DDX39A: variants seen among roughly 807,000 people sequenced by gnomAD.
DDX39A encodes DExD-box helicase 39A.
DDX39A carries 13 observed loss-of-function variants against 46.3 expected under a neutral mutation model. That is an observed-to-expected ratio of 0.28 (90% CI 0.18 to 0.45). DDX39A has a LOEUF of 0.45. Ranked by LOEUF, DDX39A falls within the 20% of genes least tolerant of loss-of-function variation. The pLI, the probability that DDX39A is intolerant of heterozygous loss-of-function variation, is 1.00. For synonymous variants in DDX39A, 234 were observed against 224.6 expected, an observed-to-expected ratio of 1.04 and a Z score of -0.38; for missense variants, 352 against 581.8, an observed-to-expected ratio of 0.61 and a Z score of 4.06.
At position 14,413,227 on chromosome 19, in the gene DDX39A, G is replaced by A; in HGVS notation, c.-4-3C>T. ...CCACATCCTGTTCTGCCATGATGCTGAGAAGAGAGAGAGGCAGGGTCCCGC... is the reference window on the plus strand; with the variant it reads ...CCACATCCTGTTCTGCCATGATGCTAAGAAGAGAGAGAGGCAGGGTCCCGC... On this transcript the variant is annotated splice_region_variant and splice_polypyrimidine_tract_variant and intron_variant, in intron 1 of 10. Coordinates refer to ENST00000242776, the MANE Select transcript of DDX39A (RefSeq NM_005804.4). 6.2e-7 allele frequency: 1 copy of A among 1,612,440 alleles called. No individual in the cohort carries two copies. The highest frequency in any genetic ancestry group is 8.5e-7 in the Non-Finnish European group (1 of 1,179,190).
At position 14,411,603 on chromosome 19, in the gene DDX39A, G is replaced by A; in HGVS notation, c.337-5C>T. On this transcript the variant is annotated splice_polypyrimidine_tract_variant and splice_region_variant and intron_variant, in intron 3 of 10. Transcript: ENST00000242776. This position sits in a 1 kb window ranked among gnomAD's most constrained non-coding sequence, Gnocchi z 4.1. ...GCACATGACCAGGACCGTCACCTGG[G>A]AAGTGGCATAAGAAGAGGGCCTTAC... 6.3e-7 allele frequency: 1 copy of A among 1,575,614 alleles called. No homozygotes were observed. The highest frequency in any genetic ancestry group is 8.6e-7 in the Non-Finnish European group (1 of 1,168,942).
At position 14,411,934 on chromosome 19, in the gene DDX39A, G is replaced by C. The variant is rs947469351; in HGVS notation, c.337-336C>G. Among the ~76,000 whole-genome samples the C allele has an allele frequency of 2.0e-5, 3 of 152,124 alleles. No homozygotes were observed. Among genetic ancestry groups the C allele is most frequent in the Non-Finnish European group, 2.9e-5 (2 of 68,026 alleles). On this transcript the variant is annotated intron_variant, in intron 3 of 10. Transcript: ENST00000242776. This position sits in a 1 kb window ranked among gnomAD's most constrained non-coding sequence, Gnocchi z 4.1. ...AAGGATTTCCTGAATCTCGGCACTC[G>C]GGCGGCCCCGGTCTTCCCACCCGTG... is the stretch of plus-strand genomic sequence containing the variant.
Position 14,409,102 on chromosome 19 carries a change from T to G in DDX39A, c.1202A>C (p.Asp401Ala). 6.2e-7 allele frequency: 1 copy of G among 1,614,198 alleles called. No homozygotes were observed. The highest frequency in any genetic ancestry group is 8.5e-7 in the Non-Finnish European group (1 of 1,180,032). Residue 401 changes from aspartate (D) to alanine (A), a missense_variant, in exon 10 of 11, where the codon GAC becomes GCC. Around this residue, in one of 3 missense-constraint regions of DDX39A, gnomAD observed 301 missense variants for 469.9 expected, o/e 0.64. Coordinates refer to ENST00000242776, the MANE Select transcript of DDX39A (RefSeq NM_005804.4). The surrounding 1 kb of genome is among the most constrained non-coding windows in gnomAD (Gnocchi z 8.3). ...SDENDAKILN[D>A]VQDRFEVNVA... is the part of the protein sequence containing the mutation. ...ATTAACTTCAAACCGGTCCTGGACGTCATTGAGGATTTTGGCATCATTCTC... is the reference window on the plus strand; with the variant it reads ...ATTAACTTCAAACCGGTCCTGGACGGCATTGAGGATTTTGGCATCATTCTC...
At chr19:14,413,903 A>G (rs752831533) in intron 1 of DDX39A, 3 of 152,296 alleles carry the variant, frequency 2.0e-5, no homozygotes, top group Non-Finnish European at 4.4e-5. Context: ...CTCTCATGAA[A>G]GGCCTCCTAT....
chr19:14,412,490 A>G lies in DDX39A; in HGVS notation c.336+61T>C. 2.6e-6 allele frequency: 4 copies of G among 1,567,698 alleles called. No individual in the cohort carries two copies. Among genetic ancestry groups the G allele is most frequent in the Non-Finnish European group, 3.4e-6 (4 of 1,161,420 alleles). On this transcript the variant is annotated intron_variant, in intron 3 of 10. Coordinates refer to ENST00000242776, the MANE Select transcript of DDX39A (RefSeq NM_005804.4). This position sits in a 1 kb window ranked among gnomAD's most constrained non-coding sequence, Gnocchi z 4.4. ...CTAACAGGTGTGAGCCACCCCATCCAGCCTACTCTACTTCCGCCGCCACAG... is the reference window on the plus strand; with the variant it reads ...CTAACAGGTGTGAGCCACCCCATCCGGCCTACTCTACTTCCGCCGCCACAG...
rs1454950390 is a variant in DDX39A, at chr19:14,412,250, C to T, written c.336+301G>A. 2 of 349,296 alleles carry T rather than the reference C, an allele frequency of 5.7e-6. No homozygotes were observed. Among genetic ancestry groups the T allele is most frequent in the Non-Finnish European group, 1.1e-5 (2 of 186,940 alleles). 21.6% of individuals were successfully genotyped at this position (349,296 alleles called of 1,614,324 possible). A position where few individuals can be genotyped will look rare whatever the true frequency, so the allele number is the denominator to read the frequency against. On this transcript the variant is annotated intron_variant, in intron 3 of 10. Coordinates refer to ENST00000242776, the MANE Select transcript of DDX39A (RefSeq NM_005804.4). This position sits in a 1 kb window ranked among gnomAD's most constrained non-coding sequence, Gnocchi z 4.4. ...CTAGGTAAGTGGCACGGCAAAACAG[C>T]AACGATGCCTCTGGGGCAAGGGGCA... is the stretch of plus-strand genomic sequence containing the variant.
At chr19:14,416,003 T>A (rs1976796448) in intron 1 of DDX39A, 1 of 155,640 alleles carries the variant, frequency 6.4e-6, no homozygotes, top group Admixed American at 6.6e-5. Context: ...GAGGCAGAGG[T>A]TGCAGAGAGC....
At position 14,411,437 on chromosome 19, in the gene DDX39A, C is replaced by T; in HGVS notation, c.429+69G>A. 3.4e-6 allele frequency: 5 copies of T among 1,468,116 alleles called. No homozygotes were observed. Among genetic ancestry groups the T allele is most frequent in the Non-Finnish European group, 4.8e-6 (5 of 1,049,660 alleles). 90.9% of individuals were successfully genotyped at this position (1,468,116 alleles called of 1,614,324 possible). A position where few individuals can be genotyped will look rare whatever the true frequency, so the allele number is the denominator to read the frequency against. ...CCAAGCTTGGTAAATGCTGGCTGGG[C>T]CAGAGCCGAGGCTAACAAAGCTGCA... is the stretch of plus-strand genomic sequence containing the variant. On this transcript the variant is annotated intron_variant, in intron 4 of 10. Coordinates refer to ENST00000242776, the MANE Select transcript of DDX39A (RefSeq NM_005804.4). The surrounding 1 kb of genome is among the most constrained non-coding windows in gnomAD (Gnocchi z 4.1).
At chr19:14,414,641 G>A (rs1019925285) in intron 1 of DDX39A, among the ~76,000 whole-genome samples, 3 of 147,078 alleles carry the variant, frequency 2.0e-5, no homozygotes, top group African/African-American at 4.9e-5. Flanking sequence ...GAGCCACCGC[G>A]CCTGGCCTTA....
chr19:14,411,004 T>C lies in DDX39A; in HGVS notation c.598A>G (p.Met200Val), dbSNP rs781228064. Reference sequence around the variant, plus strand: ...GAGGACTCACCCAGCTGCTCCAGCATCTTGTCACACTCGTCCAGCACAAAG... The same window carrying C: ...GAGGACTCACCCAGCTGCTCCAGCACCTTGTCACACTCGTCCAGCACAAAG... ...KHFVLDECDK[M>V]LEQLDMRRDV... The change falls in exon 5 of 11, where the codon ATG (methionine) becomes GTG (valine). Residue 200 changes from methionine to valine, a missense_variant. Coordinates refer to ENST00000242776, the MANE Select transcript of DDX39A (RefSeq NM_005804.4). The surrounding 1 kb of genome is among the most constrained non-coding windows in gnomAD (Gnocchi z 4.1). The C allele has an allele frequency of 2.5e-6, 4 of 1,580,982 alleles. No homozygotes were observed. The highest frequency in any genetic ancestry group is 3.4e-6 in the Non-Finnish European group (4 of 1,161,500).
chr19:14,414,225 T>C (rs1219363549), intron 1 of DDX39A, among the ~76,000 whole-genome samples: 1 of 151,920 alleles, frequency 6.6e-6, no homozygotes. Context: ...CTGTTTTCTC[T>C]CTCTCAACCT....
At chr19:14,415,307 C>T (rs2420542) in intron 1 of DDX39A, among the ~76,000 whole-genome samples, 150,174 of 150,990 alleles carry the variant, frequency 0.99, 74,681 homozygotes, top group East Asian at 1. Context: ...CCTTTTTTTT[C>T]CCCCCTCTTT....
chr19:14,411,609 G>A lies in DDX39A; in HGVS notation c.337-11C>T, dbSNP rs572670295. ...GACCAGGACCGTCACCTGGGAAGTG[G>A]CATAAGAAGAGGGCCTTACCTTAGG... On this transcript the variant is annotated splice_polypyrimidine_tract_variant and intron_variant, in intron 3 of 10. Transcript: ENST00000242776. The surrounding 1 kb of genome is among the most constrained non-coding windows in gnomAD (Gnocchi z 4.1). 2 of 1,542,410 alleles carry A rather than the reference G, an allele frequency of 1.3e-6. No homozygotes were observed. The highest frequency in any genetic ancestry group is 2.3e-5 in the South Asian group (2 of 88,548).
In DDX39A at chr19:14,411,320, T is replaced by G. The variant is rs185687460; in HGVS notation, c.430-148A>C. 3.8e-4 allele frequency: 408 copies of G among 1,083,202 alleles called. No homozygotes were observed. Among genetic ancestry groups the G allele is most frequent in the Non-Finnish European group, 5.0e-4 (380 of 758,652 alleles). The allele number at this position is 1,083,202 out of a possible 1,614,324, so 67.1% of individuals were successfully genotyped here. On this transcript the variant is annotated intron_variant, in intron 4 of 10. Coordinates refer to ENST00000242776, the MANE Select transcript of DDX39A (RefSeq NM_005804.4). This position sits in a 1 kb window ranked among gnomAD's most constrained non-coding sequence, Gnocchi z 4.1. ...GCTCCACTCAAAGGCAGCCCCAGGCTGGGACCTGCGCAGGCCCCTGGGAGC... is the reference window on the plus strand; with the variant it reads ...GCTCCACTCAAAGGCAGCCCCAGGCGGGGACCTGCGCAGGCCCCTGGGAGC...
At chr19:14,418,057 G>A (rs1206708587) in intron 1 of DDX39A, among the ~76,000 whole-genome samples, 1 of 146,820 alleles carries the variant, frequency 6.8e-6, no homozygotes, top group African/African-American at 2.6e-5. Context: ...GAAGACGGAG[G>A]CTGCAGTGAG....
rs199873900 is a variant in DDX39A, at chr19:14,409,900, C to T, written c.733-27G>A. 3.3e-5 allele frequency: 54 copies of T among 1,612,058 alleles called. No homozygotes were observed. Among genetic ancestry groups the T allele is most frequent in the Non-Finnish European group, 4.4e-5 (52 of 1,179,814 alleles). The stretch of plus-strand genomic sequence containing the variant: ...TGTGTGGGAAGGGAGGTGGGAGGGG[C>T]GGGCAGGGATCACCTCTGGGCATCT... On this transcript the variant is annotated intron_variant, in intron 6 of 10. Transcript: ENST00000242776. This position sits in a 1 kb window ranked among gnomAD's most constrained non-coding sequence, Gnocchi z 8.3.
chr19:14,411,944 G>A lies in DDX39A; in HGVS notation c.337-346C>T, dbSNP rs971549399. Reference sequence around the variant, plus strand: ...TGAATCTCGGCACTCGGGCGGCCCCGGTCTTCCCACCCGTGCCATCAGACA... The same window carrying A: ...TGAATCTCGGCACTCGGGCGGCCCCAGTCTTCCCACCCGTGCCATCAGACA... On this transcript the variant is annotated intron_variant, in intron 3 of 10. Coordinates refer to ENST00000242776, the MANE Select transcript of DDX39A (RefSeq NM_005804.4). The surrounding 1 kb of genome is among the most constrained non-coding windows in gnomAD (Gnocchi z 4.1). Among the ~76,000 whole-genome samples, 3 of 152,136 alleles carry A rather than the reference G, an allele frequency of 2.0e-5. No individual in the cohort carries two copies. Among genetic ancestry groups the A allele is most frequent in the Admixed American group, 6.6e-5 (1 of 15,260 alleles).
chr19:14,411,707 G>T lies in DDX39A; in HGVS notation c.337-109C>A. ...CCTGACACTGCACCCAACATCACAG[G>T]CCATTTGAAGGCCCGGTCCAAATGC... On this transcript the variant is annotated intron_variant, in intron 3 of 10. Transcript: ENST00000242776. This position sits in a 1 kb window ranked among gnomAD's most constrained non-coding sequence, Gnocchi z 4.1. 1 of 948,088 alleles carries T rather than the reference G, an allele frequency of 1.1e-6. No homozygotes were observed. The highest frequency in any genetic ancestry group is 1.6e-6 in the Non-Finnish European group (1 of 609,544). The allele number at this position is 948,088 out of a possible 1,614,324, so 58.7% of individuals were successfully genotyped here.
chr19:14,408,888 G>A lies in DDX39A; in HGVS notation c.*48C>T. 1.3e-6 allele frequency: 2 copies of A among 1,545,544 alleles called. No individual in the cohort carries two copies. The highest frequency in any genetic ancestry group is 1.4e-5 in the African/African-American group (1 of 72,798). ...ACAGTGGCGCCTGGAAAGGGGAGGTGAAGCTGCATGCGGGCGGCTCCGGGT... is the reference window on the plus strand; with the variant it reads ...ACAGTGGCGCCTGGAAAGGGGAGGTAAAGCTGCATGCGGGCGGCTCCGGGT... On this transcript the variant is annotated 3_prime_UTR_variant, in exon 11 of 11. Transcript: ENST00000242776.
Sources: gnomAD v4.1 joint callset for allele counts (sites outside exome capture counted in the v4.1 genomes callset) on GRCh38, gnomAD v4.1.1 for gene constraint, gnomAD v4.1.1 regional missense constraint, Gnocchi (gnomAD v3.1) non-coding constraint, MANE v1.5 for transcripts, NCBI Gene and HGNC (gene_info 2026-07-23, HGNC 2026-07-21) for gene names.